EEF2: variants seen among roughly 807,000 people sequenced by gnomAD.
The protein encoded by EEF2 is eukaryotic translation elongation factor 2, also known as elongation factor 2.
Under a neutral mutation model 85.3 loss-of-function variants are expected in EEF2, and 21 were observed. That is an observed-to-expected ratio of 0.25 (90% CI 0.17 to 0.35). The LOEUF (loss-of-function observed/expected upper bound fraction) is 0.35. Ranked by LOEUF, EEF2 falls within the 10% of genes least tolerant of loss-of-function variation. The probability of loss-of-function intolerance (pLI) is 1.00; values close to 1 mark genes in which losing one functional copy is unlikely to be tolerated. For missense variants in EEF2, 825 were observed against 1,225.3 expected, an observed-to-expected ratio of 0.67 and a Z score of 4.88; for synonymous variants, 723 against 508.8, an observed-to-expected ratio of 1.42 and a Z score of -5.67.
At position 3,985,451 on chromosome 19, in the gene EEF2, G is replaced by C. The variant is rs373888946; in HGVS notation, c.-71C>G. ...GAGTCGCGCCGAGGATGGCGGCGACGACGGCGGAAGAGAACGCTGACGTCA... is the reference window on the plus strand; with the variant it reads ...GAGTCGCGCCGAGGATGGCGGCGACCACGGCGGAAGAGAACGCTGACGTCA... On this transcript the variant is annotated 5_prime_UTR_variant, in exon 1 of 15. Coordinates refer to ENST00000309311, the MANE Select transcript of EEF2 (RefSeq NM_001961.4). The C allele has an allele frequency of 2.1e-6, 3 of 1,417,732 alleles. No individual in the cohort carries two copies. The highest frequency in any genetic ancestry group is 1.5e-5 in the African/African-American group (1 of 67,986). 87.8% of individuals were successfully genotyped at this position (1,417,732 alleles called of 1,614,324 possible). A position where few individuals can be genotyped will look rare whatever the true frequency, so the allele number is the denominator to read the frequency against.
chr19:3,980,466 A>G lies in EEF2; in HGVS notation c.1346+48T>C, dbSNP rs548936993. ...AGGAGCCCAAGACTTGGAGCAGGGCAGGGCCCGCAACAGTGCCAAGGGGCC... is the reference window on the plus strand; with the variant it reads ...AGGAGCCCAAGACTTGGAGCAGGGCGGGGCCCGCAACAGTGCCAAGGGGCC... On this transcript the variant is annotated intron_variant, in intron 9 of 14. Transcript: ENST00000309311. The G allele has an allele frequency of 1.7e-5, 27 of 1,573,340 alleles. No homozygotes were observed. In the South Asian group the frequency reaches 2.0e-4, roughly 11 times the overall value.
At chr19:3,983,753 C>T (rs1237487935) in intron 2 of EEF2, 12 of 320,754 alleles carry the variant, frequency 3.7e-5, no homozygotes, top group South Asian at 2.4e-4. Context: ...CTACTCATAT[C>T]GGGGCCAGAA....
At chr19:3,981,601 CAGCT>C (rs1410463373) in intron 6 of EEF2, 149 bp from the exon 7 acceptor site, 5 of 758,842 alleles carry the variant, frequency 6.6e-6, no homozygotes, top group Admixed American at 2.6e-5. Context: ...CGGGCCCAGC[CAGCT>C]GAGCGGATCG....
At chr19:3,983,789 G>A in intron 2 of EEF2, 1 of 380,094 alleles carries the variant, frequency 2.6e-6, no homozygotes, top group Non-Finnish European at 4.9e-6. Context: ...ACATCATCCA[G>A]TGCAACACAG....
rs1473219389 is a variant in EEF2 at position 3,976,128 on chromosome 19, G to GAC, written c.*424_*425dup. ...AGGTGCTCATGGTGACACCGCACAGGACTTCCTGCCTGCTAGAAATCATCT... is the reference window on the plus strand; with the variant it reads ...AGGTGCTCATGGTGACACCGCACAGGACACTTCCTGCCTGCTAGAAATCATCT... On this transcript the variant is annotated 3_prime_UTR_variant, in exon 15 of 15. Transcript: ENST00000309311. 3 of 219,794 alleles carry GAC rather than the reference G, an allele frequency of 1.4e-5. No homozygotes were observed. Among genetic ancestry groups the GAC allele is most frequent in the African/African-American group, 7.1e-5 (3 of 42,192 alleles). The allele number at this position is 219,794 out of a possible 1,614,324, so 13.6% of individuals were successfully genotyped here.
At position 3,977,011 on chromosome 19, in the gene EEF2, T is replaced by C. The variant is rs1223930840; in HGVS notation, c.2383+204A>G. 6.6e-6 allele frequency among the ~76,000 whole-genome samples: 1 copy of C among 152,202 alleles called. No individual in the cohort carries two copies. Among genetic ancestry groups the C allele is most frequent in the Non-Finnish European group, 1.5e-5 (1 of 68,022 alleles). ...TTCAGAGCTCCAGGCCCAGAGCCCT[T>C]CTCACACTGGGGATAGGAGAGCCCC... On this transcript the variant is annotated intron_variant, in intron 14 of 14. Coordinates refer to ENST00000309311, the MANE Select transcript of EEF2 (RefSeq NM_001961.4). The surrounding 1 kb of genome is among the most constrained non-coding windows in gnomAD (Gnocchi z 5.4).
Position 3,977,518 on chromosome 19 carries a change from C to T in EEF2, c.2160G>A (p.Gln720=). The part of the protein sequence containing the change: ...HADAIHRGGG[Q]IIPTARRCLY... ...GGCAGCGCCGTGCTGTGGGGATGAT[C>T]TGGCCCCCTCCGCGGTGGATGGCGT... The change falls in exon 13 of 15, where the codon CAG becomes CAA. Residue 720 remains glutamine, a synonymous_variant. Transcript: ENST00000309311. The surrounding 1 kb of genome is among the most constrained non-coding windows in gnomAD (Gnocchi z 5.4). The T allele has an allele frequency of 6.3e-7, 1 of 1,591,856 alleles. No homozygotes were observed. The highest frequency in any genetic ancestry group is 8.5e-7 in the Non-Finnish European group (1 of 1,174,730).
chr19:3,982,250 C>G lies in EEF2; in HGVS notation c.787G>C (p.Asp263His), dbSNP rs1599196364. ...VEDMMKKLWG[D>H]RYFDPANGKF... ...ACCATATCCCGCGGGGCTCACCTGT[C>G]ACCCCACAGCTTCTTCATCATGTCC... The change falls in exon 5 of 15, where the codon GAC becomes CAC. Residue 263 changes from aspartate to histidine, a missense_variant. Coordinates refer to ENST00000309311, the MANE Select transcript of EEF2 (RefSeq NM_001961.4). 6.2e-7 allele frequency: 1 copy of G among 1,614,038 alleles called. No homozygotes were observed. The highest frequency in any genetic ancestry group is 8.5e-7 in the Non-Finnish European group (1 of 1,179,928).
Position 3,976,402 on chromosome 19 carries a change from T to G in EEF2, c.*152A>C. On this transcript the variant is annotated 3_prime_UTR_variant, in exon 15 of 15. Transcript: ENST00000309311. ...TTGAAAGAAACGGCATCAAGTGTTA[T>G]GGTTGAGTGATGGCACGCAGCGGGC... The G allele has an allele frequency of 1.3e-6, 1 of 783,396 alleles. No individual in the cohort carries two copies. The allele number at this position is 783,396 out of a possible 1,614,324, so 48.5% of individuals were successfully genotyped here.
chr19:3,979,250 GC>G (rs2039715329), intron 11 of EEF2, 78 bp downstream of exon 11: 2 of 1,156,390 alleles, frequency 1.7e-6, no homozygotes, highest in Non-Finnish European at 2.6e-6. Context: ...CGTCTGCAGA[GC>G]CTAGCTCAGC....
In EEF2 at chr19:3,981,457, A is replaced by C. The variant is rs756409621; in HGVS notation, c.898-5T>G. ...ATTCATGATCGCATCAAACACCTAC[A>C]TTCCCCACCAAGAAACAAGAAAGCC... is the stretch of plus-strand genomic sequence containing the variant. On this transcript the variant is annotated splice_region_variant and splice_polypyrimidine_tract_variant and intron_variant, in intron 6 of 14. Coordinates refer to ENST00000309311, the MANE Select transcript of EEF2 (RefSeq NM_001961.4). 1 of 1,611,958 alleles carries C rather than the reference A, an allele frequency of 6.2e-7. No individual in the cohort carries two copies. Among genetic ancestry groups the C allele is most frequent in the Non-Finnish European group, 8.5e-7 (1 of 1,178,726 alleles).
At position 3,985,401 on chromosome 19, in the gene EEF2, T is replaced by A. The variant is rs201347619; in HGVS notation, c.-21A>T. On this transcript the variant is annotated 5_prime_UTR_variant, in exon 1 of 15. Transcript: ENST00000309311. ...ACCATGGTGGCGGATGGCGGTGGATTCTCCCAGGTAGAACCGAAAGAAGCG... is the reference window on the plus strand; with the variant it reads ...ACCATGGTGGCGGATGGCGGTGGATACTCCCAGGTAGAACCGAAAGAAGCG... The A allele has an allele frequency of 2.0e-4, 294 of 1,502,048 alleles. No individual in the cohort carries two copies. In the African/African-American group the frequency reaches 3.9e-3, roughly 20 times the overall value. 93.0% of individuals were successfully genotyped at this position (1,502,048 alleles called of 1,614,324 possible).
chr19:3,976,828 A>G (rs1440012390), intron 14 of EEF2, 81 bp from the exon 15 acceptor site: 1 of 1,393,676 alleles, frequency 7.2e-7, no homozygotes, highest in Non-Finnish European at 9.5e-7. Flanking sequence ...AGCTCAGGCT[A>G]GTTCCTCAGC....
Position 3,982,881 on chromosome 19 carries a change from G to A in EEF2, c.538C>T (p.Arg180Cys), listed in dbSNP as rs777953220. 1.9e-6 allele frequency: 3 copies of A among 1,613,682 alleles called. No individual in the cohort carries two copies. The highest frequency in any genetic ancestry group is 2.5e-6 in the Non-Finnish European group (3 of 1,179,992). ...ATGACGTTCACGTTCTCCACGATGC[G>A]CTGGAAAGTCTGGTAGAGCTCCTCG... ...EPEELYQTFQ[R>C]IVENVNVIIS... Residue 180 changes from arginine to cysteine, a missense_variant, in exon 4 of 15, where the codon CGC becomes TGC. Arg to Cys is a radical substitution (Grantham distance 180). Transcript: ENST00000309311.
At chr19:3,982,484 G>T (rs767943834) in intron 4 of EEF2, 60 bp from the exon 5 acceptor site, 1 of 1,604,306 alleles carries the variant, frequency 6.2e-7, no homozygotes, top group Non-Finnish European at 8.5e-7. Flanking sequence ...CTGAAGCTAC[G>T]GGCTGGGCGC....
intron 1 of EEF2, chr19:3,984,644 T>G: frequency 2.6e-6 from 1 of 384,338 alleles, no homozygotes; most frequent in Non-Finnish European, 4.8e-6. Flanking sequence ...TACTAAAGTC[T>G]CATTTGGGGC....
intron 2 of EEF2, 89 bp from the exon 3 acceptor site, chr19:3,983,380 C>T: frequency 2.2e-6 from 3 of 1,387,092 alleles, no homozygotes; most frequent in Non-Finnish European, 2.9e-6. Flanking sequence ...GGCTGCTCCT[C>T]CCTCCATGAC....
intron 11 of EEF2, 25 bp from the exon 12 acceptor site, chr19:3,978,197 T>C: frequency 7.0e-7 from 1 of 1,435,968 alleles, no homozygotes; most frequent in Non-Finnish European, 9.2e-7. Context: ...TAAGTCCCAC[T>C]CTTGCCTGGA....
chr19:3,976,374 A>G lies in EEF2; in HGVS notation c.*180T>C. The G allele has an allele frequency of 1.4e-6, 1 of 697,024 alleles. No homozygotes were observed. The highest frequency in any genetic ancestry group is 1.9e-5 in the South Asian group (1 of 52,028). 43.2% of individuals were successfully genotyped at this position (697,024 alleles called of 1,614,324 possible). On this transcript the variant is annotated 3_prime_UTR_variant, in exon 15 of 15. Coordinates refer to ENST00000309311, the MANE Select transcript of EEF2 (RefSeq NM_001961.4). ...TGCTGCCTCCGGACTCTGGAAATAAATATTGAAAGAAACGGCATCAAGTGT... is the reference window on the plus strand; with the variant it reads ...TGCTGCCTCCGGACTCTGGAAATAAGTATTGAAAGAAACGGCATCAAGTGT...
Sources: gnomAD v4.1 joint callset for allele counts (sites outside exome capture counted in the v4.1 genomes callset) on GRCh38, gnomAD v4.1.1 for gene constraint, Gnocchi (gnomAD v3.1) non-coding constraint, MANE v1.5 for transcripts, NCBI Gene and HGNC (gene_info 2026-07-23, HGNC 2026-07-21) for gene names.